GPATCH2: variants seen among roughly 807,000 people sequenced by gnomAD.
GPATCH2 encodes the protein G-patch domain containing 2, also known as G patch domain-containing protein 2.
GPATCH2 carries 51 observed loss-of-function variants against 58.0 expected under a neutral mutation model. That is an observed-to-expected ratio of 0.88 (90% CI 0.70 to 1.11). The LOEUF (loss-of-function observed/expected upper bound fraction) is 1.11, where lower values mean the gene tolerates loss of function less well. Ranked by LOEUF, GPATCH2 falls within the 50% of genes most tolerant of loss-of-function variation. The probability of loss-of-function intolerance (pLI) is 0.00; values close to 1 mark genes in which losing one functional copy is unlikely to be tolerated. For missense variants in GPATCH2, 625 were observed against 652.2 expected, an observed-to-expected ratio of 0.96 and a Z score of 0.45; for synonymous variants, 222 against 218.5, an observed-to-expected ratio of 1.02 and a Z score of -0.14.
At chr1:217,608,216 GA>G (rs35862723) in intron 5 of GPATCH2, 314,648 of 847,862 alleles carry the variant, frequency 0.37, 47,314 homozygotes, top group Non-Finnish European at 0.38. Flanking sequence ...AGATTTTATT[GA>G]AAAAAAAAAA....
chr1:217,569,279 G>A (rs1446066621), intron 5 of GPATCH2, among the ~76,000 whole-genome samples: 1 of 151,972 alleles, frequency 6.6e-6, no homozygotes, highest in Non-Finnish European at 1.5e-5. Flanking sequence ...TCATAAGGAA[G>A]GATATGTTAC....
intron 8 of GPATCH2, among the ~76,000 whole-genome samples, chr1:217,460,397 G>T (rs577582571): frequency 6.6e-6 from 1 of 152,254 alleles, no homozygotes; most frequent in South Asian, 2.1e-4. Flanking sequence ...TTTTTTAATT[G>T]AGAAATAAAA....
chr1:217,489,913 A>T (rs907196370), intron 8 of GPATCH2, among the ~76,000 whole-genome samples: 2 of 152,110 alleles, frequency 1.3e-5, no homozygotes. Flanking sequence ...AATTTTTTTT[A>T]AAAAGTCCTA....
intron 5 of GPATCH2, among the ~76,000 whole-genome samples, chr1:217,530,826 A>T (rs1664149924): frequency 6.6e-6 from 1 of 152,200 alleles, no homozygotes; most frequent in South Asian, 2.1e-4. Context: ...GATAATTCTG[A>T]TGCTTTTCAA....
intron 5 of GPATCH2, among the ~76,000 whole-genome samples, chr1:217,561,150 C>T (rs1665907635): frequency 6.6e-6 from 1 of 152,168 alleles, no homozygotes; most frequent in Non-Finnish European, 1.5e-5. Context: ...TTACACCTTC[C>T]TGAAATGCTG....
intron 8 of GPATCH2, among the ~76,000 whole-genome samples, chr1:217,476,637 C>T (rs574442213): frequency 3.5e-4 from 54 of 152,190 alleles, no homozygotes; most frequent in African/African-American, 1.1e-3. Context: ...GAAATCAAAA[C>T]GGAACCAAAC....
At chr1:217,453,360 G>C (rs956490070) in intron 8 of GPATCH2, among the ~76,000 whole-genome samples, 1 of 152,192 alleles carries the variant, frequency 6.6e-6, no homozygotes, top group Non-Finnish European at 1.5e-5. Flanking sequence ...TGGGGAGGAA[G>C]AGAAGGGAGA....
chr1:217,597,150 C>A lies in GPATCH2; in HGVS notation c.1098+13171G>T, dbSNP rs142738905. 4.7e-3 allele frequency among the ~76,000 whole-genome samples: 707 copies of A among 151,252 alleles called. 6 individuals carry two copies. The highest frequency in any genetic ancestry group is 0.016 in the African/African-American group (672 of 40,994). On this transcript the variant is annotated intron_variant, in intron 5 of 9. Transcript: ENST00000366935. ...GAACAGCATGGACAACATAGCAAGA[C>A]CCCTGTCCCTACCAAAAAAAAAAAA...
intron 5 of GPATCH2, among the ~76,000 whole-genome samples, chr1:217,596,957 G>C (rs1318723467): frequency 1.3e-5 from 2 of 151,998 alleles, no homozygotes; most frequent in African/African-American, 4.8e-5. Context: ...TCCTCCCAAA[G>C]CCCAATTAAA....
chr1:217,516,352 G>A (rs760766659), intron 5 of GPATCH2, among the ~76,000 whole-genome samples: 3 of 152,112 alleles, frequency 2.0e-5, no homozygotes, highest in East Asian at 1.9e-4. Context: ...ACTTCTTCCC[G>A]TATCACTTGG....
At chr1:217,590,239 C>T (rs1667529827) in intron 5 of GPATCH2, among the ~76,000 whole-genome samples, 1 of 152,046 alleles carries the variant, frequency 6.6e-6, no homozygotes, top group Admixed American at 6.6e-5. Flanking sequence ...CCAGGCTGGT[C>T]TTGAACGCCT....
At chr1:217,520,499 T>C (rs4846417) in intron 5 of GPATCH2, among the ~76,000 whole-genome samples, 87,492 of 152,008 alleles carry the variant, frequency 0.58, 26,447 homozygotes, top group East Asian at 0.84. Flanking sequence ...CTTGCTCTTA[T>C]TAGCAGAGCT....
At chr1:217,489,237 C>T (rs1239009098) in intron 8 of GPATCH2, among the ~76,000 whole-genome samples, 2 of 151,712 alleles carry the variant, frequency 1.3e-5, no homozygotes, top group East Asian at 1.9e-4. Flanking sequence ...TTAATTAATC[C>T]ATTTTTAAAA....
At position 217,631,008 on chromosome 1, in the gene GPATCH2, C is replaced by T. The variant is rs763032226; in HGVS notation, c.-37G>A. ...GGGAGCCTGGCCTCGAAGCTCAGGC[C>T]CGTGAACAGACTCCAACTACAACAG... On this transcript the variant is annotated 5_prime_UTR_variant, in exon 1 of 10. Transcript: ENST00000366935. 1.9e-6 allele frequency: 3 copies of T among 1,559,064 alleles called. No homozygotes were observed. The highest frequency in any genetic ancestry group is 2.6e-6 in the Non-Finnish European group (3 of 1,154,754).
intron 5 of GPATCH2, among the ~76,000 whole-genome samples, chr1:217,565,381 A>T (rs1308400895): frequency 2.6e-5 from 4 of 152,316 alleles, no homozygotes; most frequent in South Asian, 4.1e-4. Flanking sequence ...GAGAAATTCA[A>T]TTTTTTAAAA....
At chr1:217,535,219 T>G (rs552761024) in intron 5 of GPATCH2, among the ~76,000 whole-genome samples, 1 of 152,360 alleles carries the variant, frequency 6.6e-6, no homozygotes, top group South Asian at 2.1e-4. Context: ...TTCAATCACT[T>G]GACTTAAGCG....
intron 5 of GPATCH2, among the ~76,000 whole-genome samples, chr1:217,539,874 T>C (rs893006670): frequency 6.9e-6 from 1 of 144,662 alleles, no homozygotes; most frequent in African/African-American, 2.5e-5. Flanking sequence ...TGTTTTACAA[T>C]TTATTTATAT....
chr1:217,528,845 G>A (rs56382238), intron 5 of GPATCH2, among the ~76,000 whole-genome samples: 4,117 of 152,270 alleles, frequency 0.027, 90 homozygotes, highest in Non-Finnish European at 0.042. Context: ...CCAGGGTGAG[G>A]ACTGTCTTGG....
chr1:217,536,981 AAAAC>A (rs889890415), intron 5 of GPATCH2, among the ~76,000 whole-genome samples: 3 of 152,196 alleles, frequency 2.0e-5, no homozygotes, highest in Non-Finnish European at 2.9e-5. Context: ...CAAACAAAAC[AAAAC>A]AAACAAACCA....
Sources: allele counts gnomAD v4.1 joint callset (sites outside exome capture counted in the v4.1 genomes callset), GRCh38; gene constraint gnomAD v4.1.1; transcripts MANE v1.5; gene names NCBI Gene and HGNC (gene_info 2026-07-23, HGNC 2026-07-21).